MRC2: variants seen among roughly 807,000 people sequenced by gnomAD.
MRC2 encodes the protein C-type mannose receptor 2.
A neutral mutation model predicts 206.2 loss-of-function variants in MRC2; 84 were observed. The ratio of observed to expected loss-of-function variants is 0.41; its 90% CI spans 0.34 to 0.49. The LOEUF (loss-of-function observed/expected upper bound fraction) is 0.49. MRC2 is among the 20% of genes least tolerant of loss of function. The pLI is 0.31. For synonymous variants in MRC2, 798 were observed against 800.0 expected (o/e 1.00, Z 0.04); for missense variants, 1,676 against 2,001.5 (o/e 0.84, Z 3.10).
chr17:62,684,127 A>G (rs573184098), intron 20 of MRC2: 3 of 152,202 alleles, frequency 2.0e-5, no homozygotes, highest in Non-Finnish European at 4.4e-5. Context: ...ACACTTTATG[A>G]CTCATGACTC....
chr17:62,690,830 C>T (rs1158620212), intron 27 of MRC2, 69 bp downstream of exon 27: 1 of 1,514,378 alleles, frequency 6.6e-7, no homozygotes, highest in African/African-American at 1.4e-5. Flanking sequence ...CCACTTTGCC[C>T]TGAGCCTTGT....
At chr17:62,659,940 G>C (rs946106923) in intron 1 of MRC2, among the ~76,000 whole-genome samples, 1 of 152,222 alleles carries the variant, frequency 6.6e-6, no homozygotes, top group African/African-American at 2.4e-5. Context: ...CAGTATTTAA[G>C]CATCACTGTG....
chr17:62,640,554 C>G (rs1056571361), intron 1 of MRC2, among the ~76,000 whole-genome samples: 1 of 152,142 alleles, frequency 6.6e-6, no homozygotes, highest in Non-Finnish European at 1.5e-5. Context: ...CTGTCTCGCT[C>G]TGTTGCACAA....
At position 62,692,291 on chromosome 17, in the gene MRC2, C is replaced by A; in HGVS notation, c.4280C>A (p.Ala1427Asp). 1 of 1,597,936 alleles carries A rather than the reference C, an allele frequency of 6.3e-7. No homozygotes were observed. The highest frequency in any genetic ancestry group is 8.5e-7 in the Non-Finnish European group (1 of 1,172,422). The change falls in exon 30 of 30, where the codon GCC (alanine) becomes GAC (aspartate). Residue 1427 changes from alanine to aspartate, a missense_variant. Transcript: ENST00000303375. This position sits in a 1 kb window ranked among gnomAD's most constrained non-coding sequence, Gnocchi z 4.2. ...VVLMAVLLLL[A>D]LLTAALILYR... Reference sequence around the variant, plus strand: ...CTGATGGCGGTGCTGCTGCTCCTGGCCTTGCTGACCGCAGCCCTCATCCTT... The same window carrying A: ...CTGATGGCGGTGCTGCTGCTCCTGGACTTGCTGACCGCAGCCCTCATCCTT...
intron 23 of MRC2, chr17:62,689,258 C>A: frequency 3.4e-6 from 2 of 583,592 alleles, no homozygotes; most frequent in South Asian, 2.2e-5. Flanking sequence ...GTCCAAGACA[C>A]CTCCAGCTCC....
Position 62,692,014 on chromosome 17 carries a change from G to C in MRC2, c.4193-98G>C. The C allele has an allele frequency of 6.5e-7, 1 of 1,537,038 alleles. No homozygotes were observed. Among genetic ancestry groups the C allele is most frequent in the Non-Finnish European group, 8.9e-7 (1 of 1,117,354 alleles). ...GGGAACTAGAGCCTCTTTCTCCCCA[G>C]ACCTCCCGGCCCAGGCCTGTGTGCT... On this transcript the variant is annotated intron_variant, in intron 28 of 29. Coordinates refer to ENST00000303375, the MANE Select transcript of MRC2 (RefSeq NM_006039.5). The surrounding 1 kb of genome is among the most constrained non-coding windows in gnomAD (Gnocchi z 4.2).
chr17:62,630,070 A>G (rs1464374428), intron 1 of MRC2, among the ~76,000 whole-genome samples: 1 of 152,196 alleles, frequency 6.6e-6, no homozygotes, highest in Admixed American at 6.5e-5. Flanking sequence ...ATATTACCGC[A>G]TTTCTGGAGC....
At position 62,682,417 on chromosome 17, in the gene MRC2, G is replaced by A. The variant is rs779653062; in HGVS notation, c.2946+40G>A. On this transcript the variant is annotated intron_variant, in intron 20 of 29. Transcript: ENST00000303375. ...TGGGGCACCCAAGGGAGTCAGGGGA[G>A]AGGACGTGAACAGGGAAAGGCTGAG... is the stretch of plus-strand genomic sequence containing the variant. 1.9e-6 allele frequency: 3 copies of A among 1,583,132 alleles called. No homozygotes were observed. In the Admixed American group the frequency reaches 5.7e-5, roughly 30 times the overall value.
At chr17:62,647,036 A>G (rs1339260961) in intron 1 of MRC2, among the ~76,000 whole-genome samples, 1 of 152,152 alleles carries the variant, frequency 6.6e-6, no homozygotes, top group Non-Finnish European at 1.5e-5. Context: ...GAACTGCTCT[A>G]GGGCCCACAC....
At chr17:62,645,527 A>ATATTTT (rs1555675934) in intron 1 of MRC2, among the ~76,000 whole-genome samples, 15 of 39,542 alleles carry the variant, frequency 3.8e-4, no homozygotes, top group Non-Finnish European at 6.1e-4. Flanking sequence ...ATATATATAT[A>ATATTTT]TTTTTTTTTT....
chr17:62,631,765 G>A (rs1362632934), intron 1 of MRC2, among the ~76,000 whole-genome samples: 1 of 152,110 alleles, frequency 6.6e-6, no homozygotes, highest in East Asian at 1.9e-4. Context: ...CTCCAAGAAG[G>A]CATTGATAAG....
At chr17:62,690,916 G>A in intron 27 of MRC2, 33 bp from the exon 28 acceptor site, 1 of 1,545,980 alleles carries the variant, frequency 6.5e-7, no homozygotes. Context: ...GCCCCACCTT[G>A]TCCCTGCTCC....
chr17:62,690,159 C>A lies in MRC2; in HGVS notation c.3746C>A (p.Pro1249His). The change falls in exon 26 of 30, where the codon CCC becomes CAC. Residue 1249 changes from proline to histidine, a missense_variant. This residue lies in a region of MRC2 where 1,354 missense variants were observed against 1,636.6 expected (regional missense o/e 0.83). Coordinates refer to ENST00000303375, the MANE Select transcript of MRC2 (RefSeq NM_006039.5). ...QGAVCGVSSGPPPPRRISYHG... is the reference protein window; with the variant it reads ...QGAVCGVSSGHPPPRRISYHG... ...TCTTAATCCTGTACCCCCACAGGGC[C>A]CCCTCCTCCCCGAAGAATAAGCTAC... The A allele has an allele frequency of 2.5e-6, 4 of 1,602,892 alleles. No homozygotes were observed. Among genetic ancestry groups the A allele is most frequent in the South Asian group, 1.1e-5 (1 of 90,124 alleles).
intron 1 of MRC2, among the ~76,000 whole-genome samples, chr17:62,647,184 T>C (rs2088499468): frequency 1.0e-5 from 1 of 95,336 alleles, no homozygotes; most frequent in Non-Finnish European, 2.1e-5. Flanking sequence ...TTTTTTCTTT[T>C]TCTTTTTTTT....
intron 1 of MRC2, among the ~76,000 whole-genome samples, chr17:62,646,649 G>A (rs1197096639): frequency 6.6e-6 from 1 of 152,158 alleles, no homozygotes; most frequent in Non-Finnish European, 1.5e-5. Context: ...CACCAGGATT[G>A]GATGGTTGGT....
chr17:62,635,683 T>G (rs907814580), intron 1 of MRC2, among the ~76,000 whole-genome samples: 18 of 152,264 alleles, frequency 1.2e-4, no homozygotes, highest in African/African-American at 4.3e-4. Context: ...GCATGGTGGC[T>G]CATGCCTGTT....
chr17:62,647,102 GA>G (rs1209063429), intron 1 of MRC2, among the ~76,000 whole-genome samples: 1 of 151,642 alleles, frequency 6.6e-6, no homozygotes, highest in Non-Finnish European at 1.5e-5. Flanking sequence ...TTAAGAACAA[GA>G]ATGCAAAAGC....
At chr17:62,660,761 A>G (rs1427055736) in intron 1 of MRC2, among the ~76,000 whole-genome samples, 3 of 152,212 alleles carry the variant, frequency 2.0e-5, no homozygotes, top group Non-Finnish European at 4.4e-5. Flanking sequence ...TTAACATAGC[A>G]TCCCTGACGT....
Position 62,671,622 on chromosome 17 carries a change from G to A in MRC2, c.1118-27G>A. ...TCCCAGACTGGGCGGCTCAGTCCCT[G>A]AGCAGCAGCCTCATGGGTCTCTGCA... is the stretch of plus-strand genomic sequence containing the variant. On this transcript the variant is annotated intron_variant, in intron 6 of 29. Coordinates refer to ENST00000303375, the MANE Select transcript of MRC2 (RefSeq NM_006039.5). The surrounding 1 kb of genome is among the most constrained non-coding windows in gnomAD (Gnocchi z 4.5). 4 of 1,537,864 alleles carry A rather than the reference G, an allele frequency of 2.6e-6. No individual in the cohort carries two copies. The highest frequency in any genetic ancestry group is 3.5e-6 in the Non-Finnish European group (4 of 1,140,332).
Sources: gnomAD v4.1 joint callset for allele counts (sites outside exome capture counted in the v4.1 genomes callset) on GRCh38, gnomAD v4.1.1 for gene constraint, gnomAD v4.1.1 regional missense constraint, Gnocchi (gnomAD v3.1) non-coding constraint, MANE v1.5 for transcripts, NCBI Gene and HGNC (gene_info 2026-07-23, HGNC 2026-07-21) for gene names.